The following ATXN7L1 variants were observed in gnomAD, a reference collection of about 807,000 sequenced individuals.
The protein encoded by ATXN7L1 is ataxin 7 like 1, also known as ataxin-7-like protein 1.
ATXN7L1 carries 15 observed loss-of-function variants against 70.8 expected under a neutral mutation model. The observed-to-expected ratio is 0.21, with a 90% confidence interval of 0.14 to 0.33. ATXN7L1 has a LOEUF of 0.33. Among genes scored for constraint, ATXN7L1 ranks in the 10% least tolerant of loss-of-function variants. The probability of loss-of-function intolerance (pLI) is 1.00; values close to 1 mark genes in which losing one functional copy is unlikely to be tolerated. For synonymous variants in ATXN7L1, 440 were observed against 445.1 expected (o/e 0.99, Z 0.14); for missense variants, 975 against 1,097.1 (o/e 0.89, Z 1.57).
chr7:105,771,988 G>C (rs543813186), intron 3 of ATXN7L1, among the ~76,000 whole-genome samples: 1 of 148,638 alleles, frequency 6.7e-6, no homozygotes, highest in Non-Finnish European at 1.5e-5. Flanking sequence ...TTAGAAATAA[G>C]TCCAAATATA....
intron 4 of ATXN7L1, chr7:105,649,633 GC>G: frequency 1.1e-6 from 1 of 938,522 alleles, no homozygotes; most frequent in Non-Finnish European, 1.3e-6. Context: ...AGGGCCAGCT[GC>G]CCACCTGCCA....
intron 3 of ATXN7L1, among the ~76,000 whole-genome samples, chr7:105,686,389 G>A (rs1358432951): frequency 2.0e-5 from 3 of 152,082 alleles, no homozygotes; most frequent in Non-Finnish European, 2.9e-5. Flanking sequence ...GGTGGTGGGC[G>A]CCTGTAATCC....
At chr7:105,791,097 A>C (rs1805160998) in intron 2 of ATXN7L1, among the ~76,000 whole-genome samples, 1 of 152,242 alleles carries the variant, frequency 6.6e-6, no homozygotes. Context: ...CAGGTTTATC[A>C]TAGGCAAGGG....
At chr7:105,710,490 C>A (rs1266538479) in intron 3 of ATXN7L1, among the ~76,000 whole-genome samples, 3 of 147,804 alleles carry the variant, frequency 2.0e-5, no homozygotes, top group Non-Finnish European at 3.0e-5. Context: ...TCACTGCAAG[C>A]TCCGCCTCCC....
rs887873771 is a variant in ATXN7L1, at chr7:105,676,094, C to T, written c.356-10806G>A. On this transcript the variant is annotated intron_variant, in intron 3 of 11. Transcript: ENST00000419735. Reference sequence around the variant, plus strand: ...CACTCTGAGTGGAGGAGAACGGACGCGGCCCTCAGAAGGCAAGCTGCTGCC... The same window carrying T: ...CACTCTGAGTGGAGGAGAACGGACGTGGCCCTCAGAAGGCAAGCTGCTGCC... Among the ~76,000 whole-genome samples, 11 of 152,230 alleles carry T rather than the reference C, an allele frequency of 7.2e-5. No individual in the cohort carries two copies. In the South Asian group the frequency reaches 1.7e-3, roughly 23 times the overall value.
intron 3 of ATXN7L1, among the ~76,000 whole-genome samples, chr7:105,705,381 G>A (rs535643732): frequency 6.6e-6 from 1 of 152,204 alleles, no homozygotes; most frequent in South Asian, 2.1e-4. Flanking sequence ...TTGAACACAT[G>A]CATCTTTTTG....
At chr7:105,734,840 A>G (rs190356621) in intron 3 of ATXN7L1, among the ~76,000 whole-genome samples, 1 of 146,116 alleles carries the variant, frequency 6.8e-6, no homozygotes, top group African/African-American at 2.7e-5. Context: ...GAATACAAAT[A>G]TGGGACAAAG....
intron 3 of ATXN7L1, among the ~76,000 whole-genome samples, chr7:105,758,247 T>C (rs1303460804): frequency 6.6e-6 from 1 of 152,182 alleles, no homozygotes; most frequent in African/African-American, 2.4e-5. Context: ...ATCAGGGCCT[T>C]CCATGCTTCC....
At position 105,751,242 on chromosome 7, in the gene ATXN7L1, T is replaced by A. The variant is rs149021858; in HGVS notation, c.355+37362A>T. On this transcript the variant is annotated intron_variant, in intron 3 of 11. Coordinates refer to ENST00000419735, the MANE Select transcript of ATXN7L1 (RefSeq NM_020725.2). ...AGGTGGGAGGGAGGTGGGAGTGTTA[T>A]AAAACTCTCAATGGAGTTATGCATA... Among the ~76,000 whole-genome samples, 50 of 152,184 alleles carry A rather than the reference T, an allele frequency of 3.3e-4. 1 individual carries two copies. The East Asian group carries it at 9.3e-3, about 28-fold the overall frequency.
At chr7:105,865,437 T>C (rs1342627906) in intron 2 of ATXN7L1, among the ~76,000 whole-genome samples, 2 of 151,704 alleles carry the variant, frequency 1.3e-5, no homozygotes, top group African/African-American at 4.8e-5. Flanking sequence ...AGTCTCGCTG[T>C]GTTGCCCAGG....
chr7:105,774,057 C>T (rs980731069), intron 3 of ATXN7L1, among the ~76,000 whole-genome samples: 1 of 152,126 alleles, frequency 6.6e-6, no homozygotes, highest in Non-Finnish European at 1.5e-5. Context: ...TCTGCACTGC[C>T]ACCATCACCA....
intron 3 of ATXN7L1, among the ~76,000 whole-genome samples, chr7:105,729,262 C>T (rs745319446): frequency 6.7e-6 from 1 of 149,090 alleles, no homozygotes; most frequent in Non-Finnish European, 1.5e-5. Flanking sequence ...CACAATGAGA[C>T]TCTGTATCAA....
intron 3 of ATXN7L1, among the ~76,000 whole-genome samples, chr7:105,672,174 T>C (rs1584654353): frequency 6.6e-6 from 1 of 151,798 alleles, no homozygotes; most frequent in Non-Finnish European, 1.5e-5. Context: ...TAATCCCAGG[T>C]ACTCGGGAGG....
In ATXN7L1 at chr7:105,876,448, G is replaced by C. The variant is rs750778760; in HGVS notation, c.111C>G (p.Pro37=). The change falls in exon 1 of 12, where the codon CCC becomes CCG. Residue 37 remains proline, a synonymous_variant. Transcript: ENST00000419735. The stretch of plus-strand genomic sequence containing the variant: ...GTTTGCCCAGAAACGCCTCCGGACT[G>C]GGCACTTTGCGATCCAGTGTCGCCA... The part of the protein sequence containing the change: ...RAMATLDRKV[P]SPEAFLGKPW... 6.2e-7 allele frequency: 1 copy of C among 1,613,728 alleles called. No homozygotes were observed. The highest frequency in any genetic ancestry group is 1.7e-5 in the Admixed American group (1 of 60,014).
At chr7:105,860,675 G>A (rs984716843) in intron 2 of ATXN7L1, among the ~76,000 whole-genome samples, 3 of 152,186 alleles carry the variant, frequency 2.0e-5, no homozygotes, top group Non-Finnish European at 2.9e-5. Flanking sequence ...TCATGTGAAT[G>A]TCCTTGACAC....
At chr7:105,831,981 CTG>C (rs749263744) in intron 2 of ATXN7L1, among the ~76,000 whole-genome samples, 66 of 152,250 alleles carry the variant, frequency 4.3e-4, no homozygotes, top group Non-Finnish European at 8.2e-4. Flanking sequence ...GGTCATTCAG[CTG>C]TGAGTAATAC....
chr7:105,615,486 G>C (rs1793751270), intron 9 of ATXN7L1, among the ~76,000 whole-genome samples: 1 of 152,234 alleles, frequency 6.6e-6, no homozygotes, highest in African/African-American at 2.4e-5. Context: ...CCTGGTGGCT[G>C]GGCCGTGGAG....
chr7:105,690,954 T>G (rs541414297), intron 3 of ATXN7L1, among the ~76,000 whole-genome samples: 1 of 152,322 alleles, frequency 6.6e-6, no homozygotes, highest in African/African-American at 2.4e-5. Context: ...ATCACACAGA[T>G]AAAGCATGAG....
intron 2 of ATXN7L1, chr7:105,819,646 T>G (rs1331550586): frequency 2.2e-6 from 2 of 904,766 alleles, no homozygotes; most frequent in Admixed American, 3.5e-5. Flanking sequence ...AGATACAAGT[T>G]GAAGTACCTG....
Sources: gnomAD v4.1 joint callset for allele counts (sites outside exome capture counted in the v4.1 genomes callset) on GRCh38, gnomAD v4.1.1 for gene constraint, MANE v1.5 for transcripts, NCBI Gene and HGNC (gene_info 2026-07-23, HGNC 2026-07-21) for gene names.